The following IRAK2 variants were observed in gnomAD, a reference collection of about 807,000 sequenced individuals.
IRAK2 encodes the protein interleukin-1 receptor-associated kinase-like 2.
IRAK2 carries 57 observed loss-of-function variants against 72.0 expected under a neutral mutation model. That is an observed-to-expected ratio of 0.79 (90% CI 0.64 to 0.99). The LOEUF (loss-of-function observed/expected upper bound fraction) is 0.99. IRAK2 is among the 50% of genes least tolerant of loss of function. The probability of loss-of-function intolerance (pLI) is 0.00; values close to 1 mark genes in which losing one functional copy is unlikely to be tolerated. For missense variants in IRAK2, 790 were observed against 794.4 expected (o/e 0.99, Z 0.07); for synonymous variants, 293 against 312.7 (o/e 0.94, Z 0.67).
chr3:10,207,558 A>G (rs1270368060), intron 3 of IRAK2, among the ~76,000 whole-genome samples: 3 of 152,074 alleles, frequency 2.0e-5, no homozygotes, highest in Non-Finnish European at 4.4e-5. Flanking sequence ...CCCCTACCAG[A>G]TGGCCTCATT....
At chr3:10,175,098 A>G (rs1200402308) in intron 1 of IRAK2, among the ~76,000 whole-genome samples, 1 of 151,874 alleles carries the variant, frequency 6.6e-6, no homozygotes, top group Non-Finnish European at 1.5e-5. Flanking sequence ...TGTCTCAAAA[A>G]AAAAAAAGAT....
chr3:10,226,813 G>T (rs781776109), intron 10 of IRAK2, among the ~76,000 whole-genome samples: 1 of 151,896 alleles, frequency 6.6e-6, no homozygotes, highest in Non-Finnish European at 1.5e-5. Flanking sequence ...AGGTGTGGTC[G>T]CATGTGCCTG....
chr3:10,242,036 C>A, intron 12 of IRAK2, 80 bp from the exon 13 acceptor site: 1 of 800,204 alleles, frequency 1.2e-6, no homozygotes, highest in Non-Finnish European at 2.1e-6. Context: ...ATTCAGAAAC[C>A]TGATTTAAGT....
Position 10,242,423 on chromosome 3 carries a change from A to G in IRAK2, c.*195A>G, listed in dbSNP as rs1698075382. 2 of 409,496 alleles carry G rather than the reference A, an allele frequency of 4.9e-6. No homozygotes were observed. Among genetic ancestry groups the G allele is most frequent in the African/African-American group, 4.1e-5 (2 of 48,980 alleles). 25.4% of individuals were successfully genotyped at this position (409,496 alleles called of 1,614,324 possible). A position where few individuals can be genotyped will look rare whatever the true frequency, so the allele number is the denominator to read the frequency against. On this transcript the variant is annotated 3_prime_UTR_variant, in exon 13 of 13. Coordinates refer to ENST00000256458, the MANE Select transcript of IRAK2 (RefSeq NM_001570.4). ...GCCCTCAGCTTTTAGAGACACAAAA[A>G]TCCATGAAGTCTCTTCCTTTCTGGG...
At chr3:10,185,361 C>G (rs28449552) in intron 2 of IRAK2, among the ~76,000 whole-genome samples, 45,691 of 149,574 alleles carry the variant, frequency 0.31, 8,188 homozygotes, top group Non-Finnish European at 0.4. Context: ...AGTTCGGGAC[C>G]AGCCTGACCA....
intron 1 of IRAK2, among the ~76,000 whole-genome samples, chr3:10,170,377 T>C (rs951881489): frequency 6.6e-6 from 1 of 152,230 alleles, no homozygotes; most frequent in Admixed American, 6.5e-5. Context: ...TTTTGCTATG[T>C]AAGGTACCAT....
chr3:10,165,166 C>A, intron 1 of IRAK2, 118 bp downstream of exon 1: 1 of 835,614 alleles, frequency 1.2e-6, no homozygotes, highest in Non-Finnish European at 1.9e-6. Context: ...GATCCGAGGG[C>A]GTGCGAGCTG....
intron 7 of IRAK2, 36 bp from the exon 8 acceptor site, chr3:10,219,644 T>C: frequency 2.0e-6 from 3 of 1,512,526 alleles, no homozygotes; most frequent in Non-Finnish European, 2.8e-6. Flanking sequence ...AAAGGTACAT[T>C]GTGACTATTT....
At chr3:10,205,428 C>T (rs1697420976) in intron 3 of IRAK2, among the ~76,000 whole-genome samples, 1 of 152,188 alleles carries the variant, frequency 6.6e-6, no homozygotes, top group South Asian at 2.1e-4. Context: ...CCTCATGTGT[C>T]GCAGGAGCAG....
chr3:10,185,694 G>T (rs916160401), intron 2 of IRAK2, among the ~76,000 whole-genome samples: 2 of 150,960 alleles, frequency 1.3e-5, no homozygotes, highest in Non-Finnish European at 2.9e-5. Flanking sequence ...GGCCAACATG[G>T]TGAAACATCG....
At chr3:10,201,597 A>G (rs1336131228) in intron 3 of IRAK2, among the ~76,000 whole-genome samples, 2 of 152,248 alleles carry the variant, frequency 1.3e-5, no homozygotes, top group Admixed American at 6.5e-5. Flanking sequence ...ATCCTTTTGG[A>G]CCACTTCAGA....
intron 3 of IRAK2, among the ~76,000 whole-genome samples, chr3:10,201,595 G>A (rs907047829): frequency 6.6e-5 from 10 of 152,198 alleles, no homozygotes; most frequent in African/African-American, 1.4e-4. Flanking sequence ...AAATCCTTTT[G>A]GACCACTTCA....
chr3:10,183,082 C>CACCT lies in IRAK2; in HGVS notation c.277+5063_277+5066dup, dbSNP rs537855128. ...CCACCGCGCCTGGCTGGATGCCCAC[C>CACCT]ACCTCTTAAAGGGTGTTAATGATAA... On this transcript the variant is annotated intron_variant, in intron 2 of 12. Coordinates refer to ENST00000256458, the MANE Select transcript of IRAK2 (RefSeq NM_001570.4). Among the ~76,000 whole-genome samples, 17 of 152,312 alleles carry CACCT rather than the reference C, an allele frequency of 1.1e-4. No homozygotes were observed. In the South Asian group the frequency reaches 3.5e-3, roughly 32 times the overall value.
chr3:10,220,563 C>G (rs1004621268), intron 8 of IRAK2, among the ~76,000 whole-genome samples: 5 of 152,088 alleles, frequency 3.3e-5, no homozygotes, highest in African/African-American at 7.2e-5. Context: ...CTGCCTTAGC[C>G]TCCTGAGTAG....
rs572191427 is a variant in IRAK2, at chr3:10,165,859, T to G, written c.94+811T>G. Among the ~76,000 whole-genome samples the G allele has an allele frequency of 1.4e-4, 22 of 151,896 alleles. No homozygotes were observed. In the South Asian group the frequency reaches 4.6e-3, roughly 32 times the overall value. On this transcript the variant is annotated intron_variant, in intron 1 of 12. Transcript: ENST00000256458. ...CATTCTCCTGCCTCAGCCTTCTGAG[T>G]AGCTGGGACTACAGGCGCCCGCCAC... is the stretch of plus-strand genomic sequence containing the variant.
intron 4 of IRAK2, among the ~76,000 whole-genome samples, chr3:10,212,026 G>A (rs1325300416): frequency 2.0e-5 from 3 of 148,120 alleles, no homozygotes; most frequent in African/African-American, 7.5e-5. Flanking sequence ...CTTGCAGTGA[G>A]CCGAGATCAC....
At chr3:10,174,047 T>G (rs1696836823) in intron 1 of IRAK2, among the ~76,000 whole-genome samples, 1 of 152,114 alleles carries the variant, frequency 6.6e-6, no homozygotes, top group Non-Finnish European at 1.5e-5. Context: ...GGCCCTGGGC[T>G]TCTGTTTTCC....
In IRAK2 at chr3:10,241,791, G is replaced by A. The variant is rs1698064533; in HGVS notation, c.1766-325G>A. ...TCGTCCAGCCTGAGCAACAGAGTGA[G>A]ACTCCATCTCAAAAAAAAAAAAAAA... On this transcript the variant is annotated intron_variant, in intron 12 of 12. Transcript: ENST00000256458. 2.9e-5 allele frequency among the ~76,000 whole-genome samples: 3 copies of A among 103,052 alleles called. No individual in the cohort carries two copies. The South Asian group carries it at 1.3e-3, about 45-fold the overall frequency. The allele number at this position is 103,052 out of a possible 152,430, so 67.6% of individuals were successfully genotyped here.
At chr3:10,220,591 C>T (rs184449934) in intron 8 of IRAK2, among the ~76,000 whole-genome samples, 9 of 152,086 alleles carry the variant, frequency 5.9e-5, no homozygotes, top group South Asian at 2.1e-4. Context: ...TACAGGTGCT[C>T]GCCACCACAC....
Sources: allele counts gnomAD v4.1 joint callset (sites outside exome capture counted in the v4.1 genomes callset), GRCh38; gene constraint gnomAD v4.1.1; transcripts MANE v1.5; gene names NCBI Gene and HGNC (gene_info 2026-07-23, HGNC 2026-07-21).